The following FAM219A variants were observed in gnomAD, a reference collection of about 807,000 sequenced individuals.
FAM219A encodes the protein protein FAM219A.
In FAM219A, 7 loss-of-function variants were observed where a neutral mutation model predicts 23.4. The ratio of observed to expected loss-of-function variants is 0.30; its 90% CI spans 0.17 to 0.56. FAM219A has a LOEUF of 0.56. FAM219A is among the 20% of genes least tolerant of loss of function. The probability of loss-of-function intolerance (pLI) is 0.92; values close to 1 mark genes in which losing one functional copy is unlikely to be tolerated. For synonymous variants in FAM219A, 93 were observed against 99.0 expected (o/e 0.94, Z 0.36); for missense variants, 166 against 246.9 (o/e 0.67, Z 2.20).
chr9:34,436,781 T>C (rs1822938857), intron 1 of FAM219A, among the ~76,000 whole-genome samples: 1 of 151,274 alleles, frequency 6.6e-6, no homozygotes, highest in African/African-American at 2.4e-5. Context: ...GCCACCTCGT[T>C]GTATGACTTT....
rs1358016375 is a variant in FAM219A at position 34,401,708 on chromosome 9, A to G, written c.357T>C (p.Phe119=). ...VALDTDSDDD[F]DMSRYSSSGY... is the part of the protein sequence containing the mutation. The stretch of plus-strand genomic sequence containing the variant: ...CGGAGGAGGAGTATCTAGACATGTC[A>G]AAGTCATCATCGCTGGCCATGGAGG... The change falls in exon 5 of 6, where the codon TTT becomes TTC. Residue 119 remains phenylalanine, a synonymous_variant. Transcript: ENST00000651358. 3.7e-6 allele frequency: 6 copies of G among 1,608,650 alleles called. No individual in the cohort carries two copies. In the East Asian group the frequency reaches 6.7e-5, roughly 18 times the overall value.
chr9:34,400,583 C>T lies in FAM219A; in HGVS notation c.*381G>A, dbSNP rs11793308. On this transcript the variant is annotated 3_prime_UTR_variant, in exon 6 of 6. Coordinates refer to ENST00000651358, the MANE Select transcript of FAM219A (RefSeq NM_001184940.2). Reference sequence around the variant, plus strand: ...GCCGGGGCTTGGGAGTTCATGGCTTCGCTGGGGTGGGGCCAAGCCCCTGGC... The same window carrying T: ...GCCGGGGCTTGGGAGTTCATGGCTTTGCTGGGGTGGGGCCAAGCCCCTGGC... The T allele has an allele frequency of 0.45, 77,995 of 173,192 alleles. 18,485 individuals carry two copies. The highest frequency in any genetic ancestry group is 0.59 in the Middle Eastern group (217 of 370). 10.7% of individuals were successfully genotyped at this position (173,192 alleles called of 1,614,324 possible). A position where few individuals can be genotyped will look rare whatever the true frequency, so the allele number is the denominator to read the frequency against.
At chr9:34,448,660 T>C (rs1476237911) in intron 1 of FAM219A, among the ~76,000 whole-genome samples, 1 of 152,228 alleles carries the variant, frequency 6.6e-6, no homozygotes, top group Non-Finnish European at 1.5e-5. Context: ...TAAATCTCAA[T>C]TGAGATGGGA....
At position 34,399,281 on chromosome 9, in the gene FAM219A, C is replaced by T. The variant is rs1450159818; in HGVS notation, c.*1683G>A. The T allele has an allele frequency of 1.3e-5, 2 of 152,202 alleles. No homozygotes were observed. Among genetic ancestry groups the T allele is most frequent in the East Asian group, 3.9e-4 (2 of 5,188 alleles). 9.4% of individuals were successfully genotyped at this position (152,202 alleles called of 1,614,324 possible). On this transcript the variant is annotated 3_prime_UTR_variant, in exon 6 of 6. Transcript: ENST00000651358. ...TGCAGTCTTAGGCTATCTGTGCTTT[C>T]ATTTTTCTTCACACGGTGGCAGGTC... is the stretch of plus-strand genomic sequence containing the variant.
rs987516688 is a variant in FAM219A at position 34,457,967 on chromosome 9, G to C, written c.60+237C>G. Among the ~76,000 whole-genome samples, 2 of 152,156 alleles carry C rather than the reference G, an allele frequency of 1.3e-5. No individual in the cohort carries two copies. The highest frequency in any genetic ancestry group is 4.8e-5 in the African/African-American group (2 of 41,442). On this transcript the variant is annotated intron_variant, in intron 1 of 5. Coordinates refer to ENST00000651358, the MANE Select transcript of FAM219A (RefSeq NM_001184940.2). The surrounding 1 kb of genome is among the most constrained non-coding windows in gnomAD (Gnocchi z 5.1). Reference sequence around the variant, plus strand: ...TGTGCCCCCTCCGTTCCATCCGACGGTGCCCTGCTTCCACCGACGGTGCCC... The same window carrying C: ...TGTGCCCCCTCCGTTCCATCCGACGCTGCCCTGCTTCCACCGACGGTGCCC...
rs968331733 is a variant in FAM219A, at chr9:34,402,129, A to G, written c.344+258T>C. Reference sequence around the variant, plus strand: ...TGTCCAGAGACAACATCACAGGCCAATTAGGGACAACCATTGGATCAGTTG... The same window carrying G: ...TGTCCAGAGACAACATCACAGGCCAGTTAGGGACAACCATTGGATCAGTTG... On this transcript the variant is annotated intron_variant, in intron 4 of 5. Transcript: ENST00000651358. The G allele has an allele frequency of 4.2e-6, 6 of 1,443,398 alleles. No individual in the cohort carries two copies. In the African/African-American group the frequency reaches 7.1e-5, roughly 17 times the overall value. 89.4% of individuals were successfully genotyped at this position (1,443,398 alleles called of 1,614,324 possible).
At chr9:34,435,908 C>T (rs888471797) in intron 1 of FAM219A, among the ~76,000 whole-genome samples, 14 of 151,842 alleles carry the variant, frequency 9.2e-5, no homozygotes, top group African/African-American at 2.2e-4. Context: ...TGGGTTCAAG[C>T]GATTCTCCTG....
In FAM219A at chr9:34,401,669, A is replaced by G; in HGVS notation, c.396T>C (p.Ala132=). 1.2e-6 allele frequency: 2 copies of G among 1,607,726 alleles called. No individual in the cohort carries two copies. The highest frequency in any genetic ancestry group is 1.7e-6 in the Non-Finnish European group (2 of 1,178,394). Residue 132 remains alanine, a synonymous_variant, in exon 5 of 6, where the codon GCT becomes GCC. Coordinates refer to ENST00000651358, the MANE Select transcript of FAM219A (RefSeq NM_001184940.2). The part of the protein sequence containing the change: ...SRYSSSGYSS[A]EQINQDLNIQ... ...GTGAGAAGGGGTAGGGGCTCACCTC[A>G]GCAGAGGAGTAGCCGGAGGAGGAGT...
chr9:34,416,794 A>C (rs985538307), intron 1 of FAM219A, among the ~76,000 whole-genome samples: 3 of 145,572 alleles, frequency 2.1e-5, no homozygotes, highest in Non-Finnish European at 4.5e-5. Flanking sequence ...GTATCAGAAC[A>C]TAATCAGCTC....
intron 1 of FAM219A, among the ~76,000 whole-genome samples, chr9:34,447,361 T>C (rs10972119): frequency 0.18 from 27,601 of 152,122 alleles, 2,729 homozygotes; most frequent in East Asian, 0.33. Flanking sequence ...AAGTACAATA[T>C]CAATATTATG....
intron 1 of FAM219A, among the ~76,000 whole-genome samples, chr9:34,436,197 T>C (rs747979890): frequency 6.6e-5 from 10 of 151,822 alleles, no homozygotes; most frequent in Non-Finnish European, 1.3e-4. Flanking sequence ...ATAATGTTAT[T>C]ATAAAATTAT....
intron 1 of FAM219A, among the ~76,000 whole-genome samples, chr9:34,427,140 TTAC>T (rs1822516018): frequency 6.6e-6 from 1 of 152,146 alleles, no homozygotes; most frequent in South Asian, 2.1e-4. Context: ...TGGTTAAATT[TTAC>T]TACATCCTTC....
intron 1 of FAM219A, among the ~76,000 whole-genome samples, chr9:34,419,935 C>A (rs1008796789): frequency 3.9e-4 from 59 of 152,304 alleles, no homozygotes; most frequent in African/African-American, 1.4e-3. Context: ...CGCTGCCCTT[C>A]CTCTCCTTTT....
At chr9:34,435,760 A>G (rs1196833173) in intron 1 of FAM219A, among the ~76,000 whole-genome samples, 1 of 152,056 alleles carries the variant, frequency 6.6e-6, no homozygotes, top group Non-Finnish European at 1.5e-5. Context: ...ATGCTATGGG[A>G]TGGAGGTACC....
intron 2 of FAM219A, among the ~76,000 whole-genome samples, chr9:34,403,088 A>G (rs1039822130): frequency 2.6e-5 from 4 of 152,148 alleles, no homozygotes; most frequent in African/African-American, 7.2e-5. Flanking sequence ...ATGCCAGGGA[A>G]AGGCTGGCGG....
In FAM219A at chr9:34,406,182, C is replaced by T. The variant is rs1051551323; in HGVS notation, c.61-218G>A. On this transcript the variant is annotated intron_variant, in intron 1 of 5. Transcript: ENST00000651358. ...GAACCAAGGATCTGGGTTCCATGTA[C>T]ACCCAACTTGGTGTCTGTCCTCAAA... is the stretch of plus-strand genomic sequence containing the variant. 9.0e-6 allele frequency: 6 copies of T among 665,804 alleles called. No individual in the cohort carries two copies. In the East Asian group the frequency reaches 4.1e-4, roughly 45 times the overall value. The allele number at this position is 665,804 out of a possible 1,614,324, so 41.2% of individuals were successfully genotyped here.
At chr9:34,441,288 A>G (rs72735219) in intron 1 of FAM219A, among the ~76,000 whole-genome samples, 7,579 of 152,300 alleles carry the variant, frequency 0.05, 276 homozygotes, top group Non-Finnish European at 0.065. Flanking sequence ...ACTCTCTCCC[A>G]GAGGAGGAAA....
intron 2 of FAM219A, among the ~76,000 whole-genome samples, chr9:34,403,034 T>G (rs1821509618): frequency 6.6e-6 from 1 of 152,164 alleles, no homozygotes; most frequent in Admixed American, 6.5e-5. Flanking sequence ...CCCCTGTTTT[T>G]CAGGAACCAC....
At chr9:34,427,356 AT>A (rs1822525322) in intron 1 of FAM219A, among the ~76,000 whole-genome samples, 1 of 151,764 alleles carries the variant, frequency 6.6e-6, no homozygotes, top group Admixed American at 6.6e-5. Flanking sequence ...ATACATACAT[AT>A]TTTTGTTGAC....
Sources: gnomAD v4.1 joint callset for allele counts (sites outside exome capture counted in the v4.1 genomes callset) on GRCh38, gnomAD v4.1.1 for gene constraint, Gnocchi (gnomAD v3.1) non-coding constraint, MANE v1.5 for transcripts, NCBI Gene and HGNC (gene_info 2026-07-23, HGNC 2026-07-21) for gene names.